The following FAT3 variants were observed in gnomAD, a reference collection of about 807,000 sequenced individuals.
FAT3 encodes FAT atypical cadherin 3, also known as protocadherin Fat 3.
In FAT3, 95 loss-of-function variants were observed where a neutral mutation model predicts 310.2. The ratio of observed to expected loss-of-function variants is 0.31; its 90% CI spans 0.26 to 0.36. The LOEUF (loss-of-function observed/expected upper bound fraction) is 0.36. Among genes scored for constraint, FAT3 ranks in the 10% least tolerant of loss-of-function variants. FAT3 has a pLI of 1.00. For synonymous variants in FAT3, 2,314 were observed against 2,192.9 expected (o/e 1.06, Z -1.54); for missense variants, 5,408 against 5,715.6 (o/e 0.95, Z 1.74).
intron 2 of FAT3, among the ~76,000 whole-genome samples, chr11:92,491,386 A>G (rs1400733375): frequency 6.6e-6 from 1 of 152,014 alleles, no homozygotes; most frequent in African/African-American, 2.4e-5. Flanking sequence ...CTTTCACACA[A>G]AGAATTGTAA....
intron 1 of FAT3, among the ~76,000 whole-genome samples, chr11:92,232,599 A>AT (rs1388391223): frequency 3.5e-5 from 3 of 84,918 alleles, no homozygotes; most frequent in Non-Finnish European, 5.1e-5. Context: ...ACCATTTGTC[A>AT]TTTTGTGCTT....
At chr11:92,790,848 C>T (rs1313990228) in intron 8 of FAT3, among the ~76,000 whole-genome samples, 1 of 152,162 alleles carries the variant, frequency 6.6e-6, no homozygotes, top group Non-Finnish European at 1.5e-5. Flanking sequence ...GAATGAGAAA[C>T]ATCGTTGATT....
intron 3 of FAT3, among the ~76,000 whole-genome samples, chr11:92,539,469 A>C (rs1232880915): frequency 6.6e-6 from 1 of 152,148 alleles, no homozygotes; most frequent in African/African-American, 2.4e-5. Context: ...AAATGACTTA[A>C]ATTATTTTGT....
chr11:92,495,921 C>A (rs1325807652), intron 2 of FAT3, among the ~76,000 whole-genome samples: 1 of 152,036 alleles, frequency 6.6e-6, no homozygotes, highest in Non-Finnish European at 1.5e-5. Flanking sequence ...TGGTTTAAAT[C>A]AGAGTTGAAG....
At chr11:92,726,138 C>G (rs905618757) in intron 4 of FAT3, among the ~76,000 whole-genome samples, 1 of 152,004 alleles carries the variant, frequency 6.6e-6, no homozygotes, top group Non-Finnish European at 1.5e-5. Context: ...ACCAATAAAA[C>G]ATACAAAATT....
At chr11:92,545,093 C>G (rs1193912818) in intron 3 of FAT3, among the ~76,000 whole-genome samples, 1 of 152,128 alleles carries the variant, frequency 6.6e-6, no homozygotes, top group South Asian at 2.1e-4. Flanking sequence ...TCCTCATGTC[C>G]CCAAGCACTC....
chr11:92,560,560 T>G (rs1414578341), intron 3 of FAT3, among the ~76,000 whole-genome samples: 3 of 152,184 alleles, frequency 2.0e-5, no homozygotes, highest in Non-Finnish European at 4.4e-5. Flanking sequence ...CTTTTGTTGT[T>G]CTAAGATATA....
intron 5 of FAT3, among the ~76,000 whole-genome samples, chr11:92,763,683 A>C (rs567979767): frequency 1.1e-4 from 16 of 152,226 alleles, no homozygotes; most frequent in African/African-American, 3.9e-4. Context: ...TGGTGCAATT[A>C]ATGGTTCAGA....
chr11:92,432,972 G>C (rs1205026428), intron 2 of FAT3, among the ~76,000 whole-genome samples: 2 of 152,178 alleles, frequency 1.3e-5, no homozygotes, highest in African/African-American at 4.8e-5. Flanking sequence ...GGCTACAGAG[G>C]CTTTGCGGCA....
chr11:92,718,826 A>G (rs1234213599), intron 4 of FAT3, among the ~76,000 whole-genome samples: 5 of 152,194 alleles, frequency 3.3e-5, no homozygotes, highest in Non-Finnish European at 7.3e-5. Flanking sequence ...CAGTCTCATT[A>G]CAGAATGAAT....
rs1949921481 is a variant in FAT3, at chr11:92,891,716, A to T, written c.*603A>T. On this transcript the variant is annotated 3_prime_UTR_variant, in exon 28 of 28. Coordinates refer to ENST00000525166, the MANE Select transcript of FAT3 (RefSeq NM_001367949.2). ...AATAACATGTTTAGTATGCTCAGTT[A>T]TTTCTGTTTGTTTGTGTTAAGCATC... The T allele has an allele frequency of 6.4e-6, 1 of 157,054 alleles. No individual in the cohort carries two copies. The highest frequency in any genetic ancestry group is 2.4e-5 in the African/African-American group (1 of 41,426). 9.7% of individuals were successfully genotyped at this position (157,054 alleles called of 1,614,324 possible).
intron 2 of FAT3, among the ~76,000 whole-genome samples, chr11:92,437,053 A>G (rs2135056404): frequency 6.6e-6 from 1 of 152,302 alleles, no homozygotes; most frequent in Middle Eastern, 3.4e-3. Context: ...AGTAATAGCA[A>G]TGACATTTAT....
chr11:92,645,273 C>G lies in FAT3; in HGVS notation c.3608-52111C>G, dbSNP rs182659985. ...AAAGCATTTGTATGCACAAGGAAAA[C>G]CATAAATACAAAAGACCATCTGGTC... On this transcript the variant is annotated intron_variant, in intron 3 of 27. Coordinates refer to ENST00000525166, the MANE Select transcript of FAT3 (RefSeq NM_001367949.2). Among the ~76,000 whole-genome samples the G allele has an allele frequency of 5.8e-3, 888 of 152,312 alleles. 5 individuals are homozygous for G. The highest frequency in any genetic ancestry group is 0.021 in the African/African-American group (861 of 41,566).
chr11:92,365,953 CACAT>C (rs1482339236), intron 2 of FAT3, among the ~76,000 whole-genome samples: 5 of 152,172 alleles, frequency 3.3e-5, no homozygotes, highest in African/African-American at 4.8e-5. Flanking sequence ...GTAAATGTAA[CACAT>C]ACACTAAAGT....
In FAT3 at chr11:92,801,006, A is replaced by G. The variant is rs866664256; in HGVS notation, c.7993A>G (p.Asn2665Asp). Residue 2665 changes from asparagine (N) to aspartate (D), a missense_variant, in exon 10 of 28, where the codon AAT becomes GAT. By Grantham distance (23) the Asn-to-Asp change is conservative. Coordinates refer to ENST00000525166, the MANE Select transcript of FAT3 (RefSeq NM_001367949.2). The stretch of plus-strand genomic sequence containing the variant: ...CAATGGCTGGATGGTCACAAAGGGT[A>G]ATTTTAACCAGCTGAAAAATACAGT... ...PDNGWMVTKG[N>D]FNQLKNTVLS... 1.2e-6 allele frequency: 2 copies of G among 1,613,418 alleles called. No individual in the cohort carries two copies. The highest frequency in any genetic ancestry group is 1.3e-5 in the African/African-American group (1 of 74,916).
intron 2 of FAT3, among the ~76,000 whole-genome samples, chr11:92,444,746 A>G (rs971400854): frequency 1.3e-5 from 2 of 152,000 alleles, no homozygotes; most frequent in Non-Finnish European, 2.9e-5. Context: ...TATAGCAGTC[A>G]GGACATCTGA....
intron 8 of FAT3, among the ~76,000 whole-genome samples, chr11:92,791,778 A>G (rs1045202432): frequency 6.6e-6 from 1 of 152,218 alleles, no homozygotes; most frequent in Non-Finnish European, 1.5e-5. Context: ...TTAGTGCTAC[A>G]TCAAATGATA....
chr11:92,789,874 G>A (rs1161785920), intron 7 of FAT3, 69 bp from the exon 8 acceptor site: 3 of 1,524,632 alleles, frequency 2.0e-6, no homozygotes, highest in East Asian at 4.5e-5. Flanking sequence ...GAAAAAGAGG[G>A]AGGGCATACT....
Position 92,285,840 on chromosome 11 carries a change from G to A in FAT3, c.-18+60666G>A, listed in dbSNP as rs926232174. 7.2e-5 allele frequency among the ~76,000 whole-genome samples: 11 copies of A among 152,154 alleles called. No individual in the cohort carries two copies. The South Asian group carries it at 1.9e-3, about 26-fold the overall frequency. ...TATGTGTTGAATTAAGGTAGCAGAGGGTAGAAATGGCAATGTGGCTTATTT... is the reference window on the plus strand; with the variant it reads ...TATGTGTTGAATTAAGGTAGCAGAGAGTAGAAATGGCAATGTGGCTTATTT... On this transcript the variant is annotated intron_variant, in intron 1 of 27. Transcript: ENST00000525166.
Sources: gnomAD v4.1 joint callset for allele counts (sites outside exome capture counted in the v4.1 genomes callset) on GRCh38, gnomAD v4.1.1 for gene constraint, MANE v1.5 for transcripts, NCBI Gene and HGNC (gene_info 2026-07-23, HGNC 2026-07-21) for gene names.